FTO: variants seen among roughly 807,000 people sequenced by gnomAD.
FTO encodes the protein FTO alpha-ketoglutarate dependent dioxygenase.
FTO carries 47 observed loss-of-function variants against 63.9 expected under a neutral mutation model. That is an observed-to-expected ratio of 0.74 (90% CI 0.58 to 0.94). The LOEUF (loss-of-function observed/expected upper bound fraction) is 0.94, where lower values mean the gene tolerates loss of function less well. Among genes scored for constraint, FTO ranks in the 40% least tolerant of loss-of-function variants. The pLI, the probability that FTO is intolerant of heterozygous loss-of-function variation, is 0.00. For synonymous variants in FTO, 207 were observed against 224.4 expected (o/e 0.92, Z 0.69); for missense variants, 562 against 618.1 (o/e 0.91, Z 0.96).
intron 8 of FTO, chr16:53,979,456 C>T: frequency 5.0e-6 from 2 of 398,350 alleles, no homozygotes; most frequent in Non-Finnish European, 8.9e-6. Flanking sequence ...AGTTTGAAAA[C>T]ATCTTTTCCA....
intron 8 of FTO, among the ~76,000 whole-genome samples, chr16:54,087,582 TCA>T (rs2086278806): frequency 6.6e-6 from 1 of 152,132 alleles, no homozygotes; most frequent in Non-Finnish European, 1.5e-5. Context: ...AGAGGAAAGA[TCA>T]CTGAACCAAC....
chr16:53,839,844 C>T (rs1450439672), intron 3 of FTO, among the ~76,000 whole-genome samples: 2 of 150,500 alleles, frequency 1.3e-5, no homozygotes, highest in African/African-American at 4.9e-5. Flanking sequence ...GTCACTATGT[C>T]ACCAGGCTGG....
chr16:53,760,623 T>TC (rs997329273), intron 1 of FTO, among the ~76,000 whole-genome samples: 4 of 142,634 alleles, frequency 2.8e-5, no homozygotes, highest in African/African-American at 1.0e-4. Context: ...CTTGCTTTCT[T>TC]TTTTTTTTTT....
chr16:53,923,790 A>G (rs891899147), intron 7 of FTO, among the ~76,000 whole-genome samples: 3 of 151,748 alleles, frequency 2.0e-5, no homozygotes, highest in African/African-American at 7.3e-5. Flanking sequence ...ACATTGCCCC[A>G]GCATCCGAGC....
intron 8 of FTO, among the ~76,000 whole-genome samples, chr16:54,051,330 T>C (rs1178800470): frequency 6.6e-6 from 1 of 152,068 alleles, no homozygotes; most frequent in Admixed American, 6.5e-5. Context: ...TTGAGAAAAA[T>C]TAATCTGGTT....
intron 1 of FTO, among the ~76,000 whole-genome samples, chr16:53,716,696 A>G (rs1038931627): frequency 1.3e-5 from 2 of 151,964 alleles, no homozygotes; most frequent in African/African-American, 4.8e-5. Context: ...ATATAAGTAT[A>G]TGGTATGTGA....
At chr16:53,913,629 AGAAGTAG>A (rs1832876760) in intron 7 of FTO, among the ~76,000 whole-genome samples, 1 of 152,064 alleles carries the variant, frequency 6.6e-6, no homozygotes, top group Non-Finnish European at 1.5e-5. Flanking sequence ...TTTCTTCCTG[AGAAGTAG>A]GAAGTATCAC....
chr16:53,760,205 G>GGTGT (rs1173270081), intron 1 of FTO, among the ~76,000 whole-genome samples: 1,554 of 125,362 alleles, frequency 0.012, 19 homozygotes, highest in Non-Finnish European at 0.017. Flanking sequence ...CTTCAGCTTT[G>GGTGT]GTGTGTGTGT....
chr16:53,711,504 G>C, intron 1 of FTO: 1 of 398,438 alleles, frequency 2.5e-6, no homozygotes, highest in Non-Finnish European at 4.4e-6. Flanking sequence ...GGGAGGACAC[G>C]GTAGCAAAGA....
intron 8 of FTO, among the ~76,000 whole-genome samples, chr16:53,947,505 C>G (rs914059124): frequency 6.6e-6 from 1 of 152,036 alleles, no homozygotes; most frequent in South Asian, 2.1e-4. Flanking sequence ...CCCAGCCACC[C>G]CTTACTGGTC....
intron 1 of FTO, among the ~76,000 whole-genome samples, chr16:53,707,003 G>A (rs928354904): frequency 7.2e-5 from 11 of 152,260 alleles, no homozygotes; most frequent in Middle Eastern, 3.4e-3. Context: ...AGTTATAGGG[G>A]AGTTCTTTGT....
intron 2 of FTO, 33 bp downstream of exon 2, chr16:53,810,250 T>C: frequency 7.2e-7 from 1 of 1,396,818 alleles, no homozygotes; most frequent in Non-Finnish European, 1.0e-6. Context: ...TCAGTTTCAG[T>C]GATGTGTTCT....
intron 1 of FTO, among the ~76,000 whole-genome samples, chr16:53,737,750 C>T (rs941249868): frequency 1.4e-4 from 22 of 152,022 alleles, no homozygotes; most frequent in Admixed American, 3.9e-4. Context: ...AACTTTATGA[C>T]GAGAGAGTAT....
chr16:53,815,314 C>T (rs1433157620), intron 2 of FTO, among the ~76,000 whole-genome samples: 1 of 152,178 alleles, frequency 6.6e-6, no homozygotes, highest in African/African-American at 2.4e-5. Flanking sequence ...GATTAGAAAG[C>T]TCACCACCCT....
rs185592181 is a variant in FTO at position 53,852,187 on chromosome 16, G to A, written c.895+7889G>A. On this transcript the variant is annotated intron_variant, in intron 4 of 8. Transcript: ENST00000471389. ...ACTACTTGGGAGGTTGAAGTGGGAG[G>A]ATCAGCTGAGCTCGGGAGGTTGAGC... Among the ~76,000 whole-genome samples the A allele has an allele frequency of 3.3e-3, 500 of 151,262 alleles. 3 individuals are homozygous for A. The highest frequency in any genetic ancestry group is 0.012 in the African/African-American group (482 of 41,104).
At chr16:54,092,413 C>G (rs543366512) in intron 8 of FTO, among the ~76,000 whole-genome samples, 1 of 152,262 alleles carries the variant, frequency 6.6e-6, no homozygotes, top group African/African-American at 2.4e-5. Flanking sequence ...ATTAAACTTG[C>G]CTTTAAACTG....
At chr16:53,857,072 ATT>A (rs74899981) in intron 4 of FTO, among the ~76,000 whole-genome samples, 7 of 150,552 alleles carry the variant, frequency 4.6e-5, no homozygotes, top group East Asian at 1.9e-4. Flanking sequence ...GTATGGAAGT[ATT>A]TTTTTTTTCT....
chr16:54,026,384 G>A (rs2084716901), intron 8 of FTO, among the ~76,000 whole-genome samples: 1 of 152,200 alleles, frequency 6.6e-6, no homozygotes, highest in African/African-American at 2.4e-5. Context: ...AATGTGCCTG[G>A]CAGCTGAGCC....
At chr16:54,026,189 A>G (rs1191357990) in intron 8 of FTO, among the ~76,000 whole-genome samples, 1 of 152,224 alleles carries the variant, frequency 6.6e-6, no homozygotes, top group Non-Finnish European at 1.5e-5. Context: ...CACAAAGAAC[A>G]GGGTTATTCT....
Sources: gnomAD v4.1 joint callset for allele counts (sites outside exome capture counted in the v4.1 genomes callset) on GRCh38, gnomAD v4.1.1 for gene constraint, MANE v1.5 for transcripts, NCBI Gene and HGNC (gene_info 2026-07-23, HGNC 2026-07-21) for gene names.